Variants in PCDHGB5 observed in about 807,000 individuals in gnomAD.
The protein encoded by PCDHGB5 is protocadherin gamma-B5.
A neutral mutation model predicts 62.9 loss-of-function variants in PCDHGB5; 48 were observed. The ratio of observed to expected loss-of-function variants is 0.76; its 90% CI spans 0.61 to 0.97. The LOEUF (loss-of-function observed/expected upper bound fraction) is 0.97. PCDHGB5 is among the 50% of genes least tolerant of loss of function. The pLI is 0.00. For synonymous variants in PCDHGB5, 474 were observed against 511.2 expected (o/e 0.93, Z 0.98); for missense variants, 1,118 against 1,198.6 (o/e 0.93, Z 0.99).
At chr5:141,425,448 C>G (rs897473729) in intron 1 of PCDHGB5, among the ~76,000 whole-genome samples, 1 of 152,164 alleles carries the variant, frequency 6.6e-6, no homozygotes, top group African/African-American at 2.4e-5. Flanking sequence ...AAATAAAACA[C>G]CATCACATTT....
rs752155536 is a variant in PCDHGB5, at chr5:141,477,181, C to T, written c.2398-17626C>T. The T allele has an allele frequency of 2.5e-6, 4 of 1,614,182 alleles. No individual in the cohort carries two copies. In the Admixed American group the frequency reaches 6.7e-5, roughly 27 times the overall value. ...ACAACGCCCCGGAGATCACAGTCACCTCCGTGTACAGCCCAGTACCCGAGG... is the reference window on the plus strand; with the variant it reads ...ACAACGCCCCGGAGATCACAGTCACTTCCGTGTACAGCCCAGTACCCGAGG... On this transcript the variant is annotated intron_variant, in intron 1 of 3. Transcript: ENST00000617380. This position sits in a 1 kb window ranked among gnomAD's most constrained non-coding sequence, Gnocchi z 4.9.
Position 141,485,418 on chromosome 5 carries a change from G to A in PCDHGB5, c.2398-9389G>A. ...CACTTCCGTGTGGATTTGGACAGCG[G>A]AGCCCTGCTCATCAAGAACCCAATC... On this transcript the variant is annotated intron_variant, in intron 1 of 3. Transcript: ENST00000617380. This position sits in a 1 kb window ranked among gnomAD's most constrained non-coding sequence, Gnocchi z 5.7. 6.2e-7 allele frequency: 1 copy of A among 1,614,174 alleles called. No homozygotes were observed. The highest frequency in any genetic ancestry group is 8.5e-7 in the Non-Finnish European group (1 of 1,180,042).
chr5:141,468,222 G>A lies in PCDHGB5; in HGVS notation c.2398-26585G>A, dbSNP rs560663102. 2.6e-3 allele frequency among the ~76,000 whole-genome samples: 401 copies of A among 151,572 alleles called. 2 individuals are homozygous for A. Among genetic ancestry groups the A allele is most frequent in the South Asian group, 0.02 (97 of 4,782 alleles). ...TGCCTGTAATTCCAGCTACTTGGGA[G>A]GATGAGGTAGGAGAATTGCCTGAAC... On this transcript the variant is annotated intron_variant, in intron 1 of 3. Coordinates refer to ENST00000617380, the MANE Select transcript of PCDHGB5 (RefSeq NM_018925.3).
At chr5:141,409,756 C>T in intron 1 of PCDHGB5, 1 of 1,612,994 alleles carries the variant, frequency 6.2e-7, no homozygotes, top group Non-Finnish European at 8.5e-7. Flanking sequence ...TCGCGCAGCG[C>T]GCCTTTGATC....
chr5:141,440,321 C>T (rs1048535776), intron 1 of PCDHGB5: 1 of 152,104 alleles, frequency 6.6e-6, no homozygotes, highest in African/African-American at 2.4e-5. Context: ...ACAAAAATTA[C>T]TGGGCATGGT....
At chr5:141,509,573 C>G (rs372901649) in intron 3 of PCDHGB5, among the ~76,000 whole-genome samples, 4 of 152,164 alleles carry the variant, frequency 2.6e-5, no homozygotes, top group Admixed American at 2.6e-4. Context: ...CTTCACAGTG[C>G]GTACAAATCA....
intron 1 of PCDHGB5, among the ~76,000 whole-genome samples, chr5:141,456,625 C>T (rs544550965): frequency 4.6e-5 from 7 of 152,288 alleles, no homozygotes; most frequent in African/African-American, 1.4e-4. Flanking sequence ...AGATTTGCCT[C>T]TTCTTTACTA....
intron 1 of PCDHGB5, chr5:141,404,176 A>G (rs763166170): frequency 7.4e-6 from 12 of 1,613,206 alleles, no homozygotes; most frequent in South Asian, 2.2e-5. Context: ...TGACGGCCCA[A>G]ATTCTTGACC....
chr5:141,424,699 G>A (rs185769714), intron 1 of PCDHGB5: 222 of 152,060 alleles, frequency 1.5e-3, no homozygotes, highest in African/African-American at 5.2e-3. Flanking sequence ...CTATTTTTTT[G>A]TTCATTTTCA....
At chr5:141,468,063 A>G (rs2099157033) in intron 1 of PCDHGB5, among the ~76,000 whole-genome samples, 1 of 152,064 alleles carries the variant, frequency 6.6e-6, no homozygotes, top group South Asian at 2.1e-4. Flanking sequence ...AGTGGCTCAC[A>G]CCTGTAATCC....
chr5:141,402,229 A>G (rs1263337414), intron 1 of PCDHGB5, among the ~76,000 whole-genome samples: 4 of 152,110 alleles, frequency 2.6e-5, no homozygotes, highest in Non-Finnish European at 5.9e-5. Context: ...ACGTTTTTCC[A>G]GGAATTTTAT....
At position 141,398,967 on chromosome 5, in the gene PCDHGB5, C is replaced by T; in HGVS notation, c.840C>T (p.Ser280=). The T allele has an allele frequency of 6.2e-7, 1 of 1,613,942 alleles. No homozygotes were observed. The highest frequency in any genetic ancestry group is 8.5e-7 in the Non-Finnish European group (1 of 1,179,898). ...DEGINSEITY[S]FYRTGQIFSL... is the part of the protein sequence containing the mutation. ...GCATCAACTCAGAAATTACTTATTC[C>T]TTCTACAGAACCGGGCAAATCTTTA... The change falls in exon 1 of 4, where the codon TCC becomes TCT. Residue 280 remains serine, a synonymous_variant. Transcript: ENST00000617380.
At chr5:141,472,980 CAAAAAAA>C (rs60579131) in intron 1 of PCDHGB5, among the ~76,000 whole-genome samples, 1 of 86,108 alleles carries the variant, frequency 1.2e-5, no homozygotes, top group East Asian at 4.1e-4. Context: ...GAGTGAAACT[CAAAAAAA>C]AAAAAAAAAA....
intron 1 of PCDHGB5, chr5:141,418,028 A>C (rs767425160): frequency 1.2e-6 from 2 of 1,613,970 alleles, no homozygotes; most frequent in East Asian, 4.5e-5. Context: ...TCTAGGGCTT[A>C]GTGTCCTGGA....
chr5:141,485,374 T>A lies in PCDHGB5; in HGVS notation c.2398-9433T>A. Reference sequence around the variant, plus strand: ...TGTCAGCTCGCAGGCTGCAGGTCGCTGGAGAGGTGAACCAAAGACACTTCC... The same window carrying A: ...TGTCAGCTCGCAGGCTGCAGGTCGCAGGAGAGGTGAACCAAAGACACTTCC... On this transcript the variant is annotated intron_variant, in intron 1 of 3. Coordinates refer to ENST00000617380, the MANE Select transcript of PCDHGB5 (RefSeq NM_018925.3). The surrounding 1 kb of genome is among the most constrained non-coding windows in gnomAD (Gnocchi z 5.7). The A allele has an allele frequency of 1.2e-6, 2 of 1,614,082 alleles. No homozygotes were observed. Among genetic ancestry groups the A allele is most frequent in the Non-Finnish European group, 1.7e-6 (2 of 1,179,998 alleles).
At chr5:141,481,982 G>A (rs1378873905) in intron 1 of PCDHGB5, among the ~76,000 whole-genome samples, 2 of 151,628 alleles carry the variant, frequency 1.3e-5, no homozygotes, top group African/African-American at 2.4e-5. Context: ...CTACTTGGGA[G>A]GTTGAAGCAG....
Position 141,485,365 on chromosome 5 carries a change from G to A in PCDHGB5, c.2398-9442G>A. 1 of 1,614,120 alleles carries A rather than the reference G, an allele frequency of 6.2e-7. No homozygotes were observed. Among genetic ancestry groups the A allele is most frequent in the Admixed American group, 1.7e-5 (1 of 60,018 alleles). ...CGGACAGTCTGTCAGCTCGCAGGCT[G>A]CAGGTCGCTGGAGAGGTGAACCAAA... On this transcript the variant is annotated intron_variant, in intron 1 of 3. Transcript: ENST00000617380. The surrounding 1 kb of genome is among the most constrained non-coding windows in gnomAD (Gnocchi z 5.7).
intron 1 of PCDHGB5, chr5:141,413,097 C>T (rs531228946): frequency 1.4e-6 from 2 of 1,447,922 alleles, no homozygotes; most frequent in African/African-American, 1.4e-5. Flanking sequence ...CACCCTGAAG[C>T]CACAGAAAGA....
At chr5:141,466,583 C>T (rs2099125595) in intron 1 of PCDHGB5, among the ~76,000 whole-genome samples, 1 of 152,184 alleles carries the variant, frequency 6.6e-6, no homozygotes, top group Admixed American at 6.6e-5. Flanking sequence ...CTCATCCCTT[C>T]TTAAAACAAG....
Sources: gnomAD v4.1 joint callset for allele counts (sites outside exome capture counted in the v4.1 genomes callset) on GRCh38, gnomAD v4.1.1 for gene constraint, Gnocchi (gnomAD v3.1) non-coding constraint, MANE v1.5 for transcripts, NCBI Gene and HGNC (gene_info 2026-07-23, HGNC 2026-07-21) for gene names.